HK1: variants seen among roughly 807,000 people sequenced by gnomAD.
HK1 encodes the protein hexokinase-1.
A neutral mutation model predicts 91.6 loss-of-function variants in HK1; 28 were observed. That is an observed-to-expected ratio of 0.31 (90% CI 0.23 to 0.42). The LOEUF is 0.42. HK1 is among the 10% of genes least tolerant of loss of function. The probability of loss-of-function intolerance (pLI) is 1.00; values close to 1 mark genes in which losing one functional copy is unlikely to be tolerated. For synonymous variants in HK1, 430 were observed against 468.1 expected (o/e 0.92, Z 1.05); for missense variants, 770 against 1,219.8 (o/e 0.63, Z 5.49).
At chr10:69,284,410 A>G (rs1005932448) in intron 2 of HK1, among the ~76,000 whole-genome samples, 1 of 152,226 alleles carries the variant, frequency 6.6e-6, no homozygotes, top group Non-Finnish European at 1.5e-5. Context: ...ATGACCTCCA[A>G]GAGAGTTGCT....
chr10:69,377,137 G>C, intron 8 of HK1, 48 bp downstream of exon 8: 1 of 1,608,666 alleles, frequency 6.2e-7, no homozygotes, highest in Non-Finnish European at 8.5e-7. Context: ...GGGCAGAGAA[G>C]AGCAATTGGT....
At chr10:69,387,176 T>C (rs1839677610) in intron 13 of HK1, among the ~76,000 whole-genome samples, 1 of 152,258 alleles carries the variant, frequency 6.6e-6, no homozygotes, top group Admixed American at 6.5e-5. Context: ...GAATTGCCCC[T>C]GGTTCCTGAC....
intron 14 of HK1, 112 bp downstream of exon 14, chr10:69,389,408 C>T: frequency 1.7e-6 from 1 of 586,590 alleles, no homozygotes; most frequent in Non-Finnish European, 3.1e-6. Flanking sequence ...TCTTATCTGT[C>T]AGTATCATTT....
chr10:69,334,025 C>T (rs139877763), intron 1 of HK1, among the ~76,000 whole-genome samples: 24 of 152,192 alleles, frequency 1.6e-4, no homozygotes, highest in Admixed American at 3.3e-4. Context: ...GCAGGAGAAT[C>T]GCTTGAACCC....
At chr10:69,300,529 T>A (rs1845807887) in intron 4 of HK1, 1 of 718,024 alleles carries the variant, frequency 1.4e-6, no homozygotes, top group Non-Finnish European at 2.4e-6. Context: ...GAAATCAAAC[T>A]GGCCAGATGG....
Position 69,398,505 on chromosome 10 carries a change from T to C in HK1, c.2376-90T>C, listed in dbSNP as rs797005363. The C allele has an allele frequency of 5.7e-5, 51 of 888,254 alleles. No homozygotes were observed. The African/African-American group carries it at 7.6e-4, about 13-fold the overall frequency. The allele number at this position is 888,254 out of a possible 1,614,324, so 55.0% of individuals were successfully genotyped here. A position where few individuals can be genotyped will look rare whatever the true frequency, so the allele number is the denominator to read the frequency against. ...CTCTGTCTGTGGATGAGTACAGTGATTGGGGGCGGGGGGCGTCCTTTGGAC... is the reference window on the plus strand; with the variant it reads ...CTCTGTCTGTGGATGAGTACAGTGACTGGGGGCGGGGGGCGTCCTTTGGAC... On this transcript the variant is annotated intron_variant, in intron 16 of 17. Coordinates refer to ENST00000359426, the MANE Select transcript of HK1 (RefSeq NM_000188.3).
At chr10:69,337,983 C>CAA (rs1828485636) in intron 1 of HK1, 1 of 154,288 alleles carries the variant, frequency 6.5e-6, no homozygotes, top group Admixed American at 6.4e-5. Flanking sequence ...TGGGGTCGGG[C>CAA]ACAGAAATGT....
At chr10:69,283,880 T>C (rs1056899541) in intron 2 of HK1, among the ~76,000 whole-genome samples, 2 of 150,554 alleles carry the variant, frequency 1.3e-5, no homozygotes, top group Non-Finnish European at 3.0e-5. Flanking sequence ...AAAAGGTAGA[T>C]CCTGGGGTTT....
intron 1 of HK1, among the ~76,000 whole-genome samples, chr10:69,281,485 C>T (rs2132429097): frequency 6.6e-6 from 1 of 152,322 alleles, no homozygotes; most frequent in South Asian, 2.1e-4. Flanking sequence ...CCTCAGGGGC[C>T]TCCAAAGAAA....
At chr10:69,381,838 G>A (rs1269083096) in intron 9 of HK1, among the ~76,000 whole-genome samples, 1 of 152,220 alleles carries the variant, frequency 6.6e-6, no homozygotes, top group African/African-American at 2.4e-5. Context: ...ACAGGCATGA[G>A]CCACCTCGCA....
chr10:69,277,739 G>A lies in HK1; in HGVS notation c.-390-4790G>A, dbSNP rs375071542. 3.9e-4 allele frequency among the ~76,000 whole-genome samples: 60 copies of A among 152,218 alleles called. 2 individuals are homozygous for A. In the East Asian group the frequency reaches 7.4e-3, roughly 19 times the overall value. ...ACCACACAACTGAGTGCTGATAAAAGTGGTTTGTTTTAGGCCAGGCACAGG... is the reference window on the plus strand; with the variant it reads ...ACCACACAACTGAGTGCTGATAAAAATGGTTTGTTTTAGGCCAGGCACAGG... On this transcript the variant is annotated intron_variant, in intron 1 of 21. Coordinates refer to the HK1 transcript ENST00000360289.
intron 16 of HK1, among the ~76,000 whole-genome samples, chr10:69,396,455 A>T (rs1840145641): frequency 6.6e-6 from 1 of 152,022 alleles, no homozygotes; most frequent in Admixed American, 6.6e-5. Flanking sequence ...AACTCTTTTC[A>T]TCTTCTCAGC....
At position 69,382,592 on chromosome 10, in the gene HK1, G is replaced by A. The variant is rs1171194157; in HGVS notation, c.1371G>A (p.Thr457=). 6.8e-6 allele frequency: 11 copies of A among 1,614,200 alleles called. No individual in the cohort carries two copies. Among genetic ancestry groups the A allele is most frequent in the Admixed American group, 3.3e-5 (2 of 60,020 alleles). Residue 457 remains threonine (T), a synonymous_variant, in exon 10 of 18, where the codon ACG becomes ACA. Transcript: ENST00000359426. ...SGSGKGAAMV[T]AVAYRLAEQH... ...GCGGCAAGGGGGCTGCCATGGTGAC[G>A]GCGGTGGCCTACCGCTTGGCCGAGC...
intron 2 of HK1, among the ~76,000 whole-genome samples, chr10:69,348,184 T>C (rs1293406273): frequency 6.6e-6 from 1 of 152,160 alleles, no homozygotes; most frequent in Non-Finnish European, 1.5e-5. Context: ...AAAGAGAAGT[T>C]TTTACCCAAA....
chr10:69,316,039 G>T, upstream of HK1: 2 of 1,603,432 alleles, frequency 1.2e-6, no homozygotes, highest in Non-Finnish European at 1.7e-6. Context: ...TCCAGGGAAG[G>T]TTGGCAAGCT....
rs144669480 is a variant in HK1 at position 69,307,383 on chromosome 10, C to T, written c.27+6522C>T. Among the ~76,000 whole-genome samples, 25 of 152,308 alleles carry T rather than the reference C, an allele frequency of 1.6e-4. No individual in the cohort carries two copies. In the East Asian group the frequency reaches 4.6e-3, roughly 28 times the overall value. On this transcript the variant is annotated intron_variant, in intron 5 of 21. Coordinates refer to the HK1 transcript ENST00000360289. ...TTTGAGAATTCCCCTTATAAAGGAA[C>T]TCTGCAGGGCCCAGATCCACTTGCC...
Position 69,369,299 on chromosome 10 carries a change from C to T in HK1, c.654C>T (p.Gly218=). Reference sequence around the variant, plus strand: ...CAGTGGGCACCATGATGACCTGTGGCTATGACGACCAGCACTGTGAAGTCG... The same window carrying T: ...CAGTGGGCACCATGATGACCTGTGGTTATGACGACCAGCACTGTGAAGTCG... The part of the protein sequence containing the change: ...NDTVGTMMTC[G]YDDQHCEVGL... Residue 218 remains glycine, a synonymous_variant, in exon 6 of 18, where the codon GGC becomes GGT. Coordinates refer to ENST00000359426, the MANE Select transcript of HK1 (RefSeq NM_000188.3). This position sits in a 1 kb window ranked among gnomAD's most constrained non-coding sequence, Gnocchi z 4.4. The T allele has an allele frequency of 6.2e-7, 1 of 1,614,200 alleles. No individual in the cohort carries two copies. Among genetic ancestry groups the T allele is most frequent in the Non-Finnish European group, 8.5e-7 (1 of 1,180,018 alleles).
intron 1 of HK1, chr10:69,319,222 G>A: frequency 3.1e-6 from 2 of 643,290 alleles, no homozygotes; most frequent in South Asian, 3.6e-5. Context: ...GGGGCAATCG[G>A]GCGGAAGACC....
chr10:69,295,505 A>T (rs1346370569), intron 3 of HK1: 10 of 721,924 alleles, frequency 1.4e-5, no homozygotes, highest in Non-Finnish European at 2.3e-5. Flanking sequence ...TTGCTTAGAC[A>T]TTCCAAGGTT....
Sources: allele counts gnomAD v4.1 joint callset (sites outside exome capture counted in the v4.1 genomes callset), GRCh38; gene constraint gnomAD v4.1.1; non-coding constraint Gnocchi (gnomAD v3.1); transcripts MANE v1.5; gene names NCBI Gene and HGNC (gene_info 2026-07-23, HGNC 2026-07-21).